SETBP1: variants seen among roughly 807,000 people sequenced by gnomAD.
The protein encoded by SETBP1 is SET-binding protein.
Under a neutral mutation model 101.0 loss-of-function variants are expected in SETBP1, and 9 were observed. The ratio of observed to expected loss-of-function variants is 0.09; its 90% confidence interval spans 0.05 to 0.16. The LOEUF (loss-of-function observed/expected upper bound fraction) is 0.16, where lower values mean the gene tolerates loss of function less well. SETBP1 is among the 10% of genes least tolerant of loss of function. The pLI is 1.00. For missense variants in SETBP1, 1,858 were observed against 2,033.8 expected, an observed-to-expected ratio of 0.91 and a Z score of 1.66; for synonymous variants, 818 against 788.5, an observed-to-expected ratio of 1.04 and a Z score of -0.63.
At chr18:45,053,181 G>A (rs1381063977) in intron 5 of SETBP1, among the ~76,000 whole-genome samples, 1 of 151,970 alleles carries the variant, frequency 6.6e-6, no homozygotes. Context: ...ATATAAATGT[G>A]GTGCCTTGAA....
chr18:45,016,707 G>A (rs1041254820), intron 4 of SETBP1, among the ~76,000 whole-genome samples: 3 of 151,706 alleles, frequency 2.0e-5, no homozygotes, highest in Non-Finnish European at 4.4e-5. Context: ...TCTGGGCACT[G>A]TGAGATTATA....
intron 4 of SETBP1, among the ~76,000 whole-genome samples, chr18:45,003,966 A>G (rs1177522499): frequency 6.6e-6 from 1 of 152,170 alleles, no homozygotes; most frequent in Non-Finnish European, 1.5e-5. Flanking sequence ...GTCTGGAGAT[A>G]CATTTATTAC....
chr18:45,027,723 G>A (rs909642737), intron 4 of SETBP1, among the ~76,000 whole-genome samples: 8 of 152,136 alleles, frequency 5.3e-5, no homozygotes, highest in African/African-American at 1.9e-4. Context: ...TCTTACACGT[G>A]CGTTAGTTTT....
At chr18:45,034,857 T>A (rs985195955) in intron 4 of SETBP1, among the ~76,000 whole-genome samples, 2 of 152,176 alleles carry the variant, frequency 1.3e-5, no homozygotes, top group Non-Finnish European at 2.9e-5. Context: ...ATTGTCTCTG[T>A]GTAAGCAGTG....
Position 44,859,822 on chromosome 18 carries a change from G to A in SETBP1, c.487-9408G>A, listed in dbSNP as rs529577986. ...CAACTTTTACAATTATAAAAGTTAT[G>A]AATACCTGCAACTACAAGGTTCAGT... On this transcript the variant is annotated intron_variant, in intron 2 of 5. Transcript: ENST00000649279. Among the ~76,000 whole-genome samples the A allele has an allele frequency of 1.2e-4, 18 of 152,278 alleles. 1 individual carries two copies. The South Asian group carries it at 2.7e-3, about 23-fold the overall frequency.
chr18:44,738,870 A>C (rs2070038688), intron 2 of SETBP1, among the ~76,000 whole-genome samples: 1 of 152,258 alleles, frequency 6.6e-6, no homozygotes, highest in Non-Finnish European at 1.5e-5. Context: ...GTTGCCCACA[A>C]ACTTAGTGGC....
In SETBP1 at chr18:45,068,165, C is replaced by CA. The variant is rs1339788920; in HGVS notation, c.*4473dup. On this transcript the variant is annotated 3_prime_UTR_variant, in exon 6 of 6. Coordinates refer to ENST00000649279, the MANE Select transcript of SETBP1 (RefSeq NM_015559.3). ...GATTGTATGTAAACATATTTTAGAA[C>CA]AAAAAATGTATTTGTATTTTATTGA... 2 of 151,986 alleles carry CA rather than the reference C, an allele frequency of 1.3e-5. No homozygotes were observed. Among genetic ancestry groups the CA allele is most frequent in the African/African-American group, 2.4e-5 (1 of 41,402 alleles). 9.4% of individuals were successfully genotyped at this position (151,986 alleles called of 1,614,324 possible).
intron 2 of SETBP1, among the ~76,000 whole-genome samples, chr18:44,753,267 G>A (rs2070425731): frequency 6.6e-6 from 1 of 152,168 alleles, no homozygotes; most frequent in Non-Finnish European, 1.5e-5. Context: ...GTTCATCACA[G>A]AAGAATGGGG....
intron 3 of SETBP1, among the ~76,000 whole-genome samples, chr18:44,931,316 A>G (rs569675275): frequency 3.4e-4 from 52 of 152,196 alleles, no homozygotes; most frequent in Admixed American, 8.5e-4. Flanking sequence ...GTTTGTTATA[A>G]TTTCTGTTCT....
At chr18:44,784,068 C>T (rs912585313) in intron 2 of SETBP1, among the ~76,000 whole-genome samples, 5 of 152,220 alleles carry the variant, frequency 3.3e-5, no homozygotes, top group East Asian at 3.9e-4. Flanking sequence ...CTTTGTCTTC[C>T]GATCTGGAAG....
chr18:44,841,004 C>G lies in SETBP1; in HGVS notation c.487-28226C>G, dbSNP rs141355706. ...TGATACCTAGAGAGTTTAAGTTAAT[C>G]ACCCTGTATTAGCTATCTATTGCTG... is the stretch of plus-strand genomic sequence containing the variant. On this transcript the variant is annotated intron_variant, in intron 2 of 5. Coordinates refer to ENST00000649279, the MANE Select transcript of SETBP1 (RefSeq NM_015559.3). 4.7e-3 allele frequency among the ~76,000 whole-genome samples: 713 copies of G among 152,314 alleles called. 6 individuals carry two copies. Among genetic ancestry groups the G allele is most frequent in the African/African-American group, 0.016 (683 of 41,568 alleles).
At chr18:44,993,475 C>T in intron 4 of SETBP1, among the ~76,000 whole-genome samples, 1 of 151,654 alleles carries the variant, frequency 6.6e-6, no homozygotes, top group East Asian at 1.9e-4. Flanking sequence ...TACAGAAAAT[C>T]CTTTTGATAT....
intron 2 of SETBP1, among the ~76,000 whole-genome samples, chr18:44,768,652 A>G (rs755082854): frequency 1.8e-4 from 28 of 152,146 alleles, no homozygotes; most frequent in Non-Finnish European, 3.5e-4. Context: ...TGAGCTTCCC[A>G]TTAGTGGATT....
At chr18:44,895,267 GGGAGGGAGGGGGAGGGAA>G (rs2069872270) in intron 3 of SETBP1, among the ~76,000 whole-genome samples, 1 of 81,882 alleles carries the variant, frequency 1.2e-5, no homozygotes, top group South Asian at 7.9e-4. Flanking sequence ...GAAGGAAGGG[GGGAGGGAGGGGGAGGGAA>G]GGAGGGAGGG....
At chr18:44,954,329 T>TAAAAAAAAA (rs5824565) in intron 4 of SETBP1, among the ~76,000 whole-genome samples, 2 of 71,608 alleles carry the variant, frequency 2.8e-5, no homozygotes, top group African/African-American at 5.4e-5. Context: ...TTGCAGAAGC[T>TAAAAAAAAA]AAAAAAAAAA....
rs549079441 is a variant in SETBP1, at chr18:44,972,252, A to G, written c.4000+18912A>G. On this transcript the variant is annotated intron_variant, in intron 4 of 5. Transcript: ENST00000649279. ...TGGTCTATATCTCTGTTTTGGTACC[A>G]GTCCCATGCTGTTTTGGTTACTGTA... 7.9e-5 allele frequency among the ~76,000 whole-genome samples: 12 copies of G among 152,332 alleles called. 1 individual carries two copies. The highest frequency in any genetic ancestry group is 2.9e-4 in the African/African-American group (12 of 41,564).
chr18:44,892,413 G>A (rs185418105), intron 3 of SETBP1, among the ~76,000 whole-genome samples: 1 of 152,244 alleles, frequency 6.6e-6, no homozygotes, highest in East Asian at 1.9e-4. Flanking sequence ...GGTGCAGACA[G>A]CATTGACATA....
chr18:44,695,674 T>C (rs2069002582), intron 1 of SETBP1, among the ~76,000 whole-genome samples: 1 of 152,200 alleles, frequency 6.6e-6, no homozygotes, highest in Admixed American at 6.5e-5. Flanking sequence ...TTTGCAAAAG[T>C]TCAGGAATGA....
chr18:44,905,878 C>A (rs1292007996), intron 3 of SETBP1, among the ~76,000 whole-genome samples: 1 of 152,164 alleles, frequency 6.6e-6, no homozygotes, highest in Non-Finnish European at 1.5e-5. Context: ...AAAACTCTTT[C>A]CAGCCCCTTG....
Sources: gnomAD v4.1 joint callset for allele counts (sites outside exome capture counted in the v4.1 genomes callset) on GRCh38, gnomAD v4.1.1 for gene constraint, MANE v1.5 for transcripts, NCBI Gene and HGNC (gene_info 2026-07-23, HGNC 2026-07-21) for gene names.